Variants in PNLIPRP3 observed in about 807,000 individuals in gnomAD.
The protein encoded by PNLIPRP3 is pancreatic lipase-related protein 3.
Under a neutral mutation model 52.8 loss-of-function variants are expected in PNLIPRP3, and 58 were observed. The ratio of observed to expected loss-of-function variants is 1.10; its 90% CI spans 0.89 to 1.37. PNLIPRP3 has a LOEUF of 1.37. PNLIPRP3 is among the 40% of genes most tolerant of loss of function. PNLIPRP3 has a pLI of 0.00. For missense variants in PNLIPRP3, 593 were observed against 561.6 expected, an observed-to-expected ratio of 1.06 and a Z score of -0.57; for synonymous variants, 192 against 185.0, an observed-to-expected ratio of 1.04 and a Z score of -0.31.
chr10:116,431,289 T>C (rs1482275307), intron 1 of PNLIPRP3, among the ~76,000 whole-genome samples: 1 of 152,128 alleles, frequency 6.6e-6, no homozygotes, highest in East Asian at 1.9e-4. Flanking sequence ...ACTTTTCTGC[T>C]CAGAGCCCTC....
intron 4 of PNLIPRP3, among the ~76,000 whole-genome samples, chr10:116,448,297 A>G (rs1845985615): frequency 6.6e-6 from 1 of 152,218 alleles, no homozygotes; most frequent in Non-Finnish European, 1.5e-5. Flanking sequence ...TGAACAAGTA[A>G]AAGTGTTGAC....
At chr10:116,442,994 TACTA>T (rs1471076122) in intron 2 of PNLIPRP3, 57 bp from the exon 3 acceptor site, 9 of 1,332,010 alleles carry the variant, frequency 6.8e-6, no homozygotes, top group Non-Finnish European at 8.0e-6. Flanking sequence ...AGAATAGGTC[TACTA>T]ACTATTAAAT....
chr10:116,476,103 A>G (rs1003358342), intron 10 of PNLIPRP3, among the ~76,000 whole-genome samples: 2 of 152,090 alleles, frequency 1.3e-5, no homozygotes, highest in African/African-American at 4.8e-5. Flanking sequence ...ATGCCTTGAG[A>G]TATGGCACCT....
At chr10:116,468,349 C>A (rs929268152) in intron 8 of PNLIPRP3, among the ~76,000 whole-genome samples, 2 of 152,010 alleles carry the variant, frequency 1.3e-5, no homozygotes, top group Non-Finnish European at 2.9e-5. Flanking sequence ...TTAGATATAA[C>A]CCAAGGCCAC....
chr10:116,452,523 G>T (rs1192116997), intron 4 of PNLIPRP3, among the ~76,000 whole-genome samples: 1 of 152,164 alleles, frequency 6.6e-6, no homozygotes, highest in Non-Finnish European at 1.5e-5. Flanking sequence ...CTTTGAGGCA[G>T]CCCCTCCCAT....
chr10:116,477,400 A>G lies in PNLIPRP3; in HGVS notation c.*247A>G, dbSNP rs1050047220. 32 of 305,304 alleles carry G rather than the reference A, an allele frequency of 1.0e-4. No homozygotes were observed. The Middle Eastern group carries it at 3.8e-3, about 36-fold the overall frequency. The allele number at this position is 305,304 out of a possible 1,614,324, so 18.9% of individuals were successfully genotyped here. A position where few individuals can be genotyped will look rare whatever the true frequency, so the allele number is the denominator to read the frequency against. On this transcript the variant is annotated 3_prime_UTR_variant, in exon 12 of 12. Coordinates refer to ENST00000369230, the MANE Select transcript of PNLIPRP3 (RefSeq NM_001011709.3). Reference sequence around the variant, plus strand: ...ATCTGTAGGAATCTGGATATCATTGACAAAATAGAGCTGTTTTGGAATTTT... The same window carrying G: ...ATCTGTAGGAATCTGGATATCATTGGCAAAATAGAGCTGTTTTGGAATTTT...
chr10:116,453,931 C>T (rs972573580), intron 4 of PNLIPRP3, among the ~76,000 whole-genome samples: 1 of 152,024 alleles, frequency 6.6e-6, no homozygotes. Context: ...TGCTCTCCCT[C>T]CCCTTGTCCC....
intron 1 of PNLIPRP3, among the ~76,000 whole-genome samples, chr10:116,435,653 T>C (rs1845764409): frequency 6.6e-6 from 1 of 152,208 alleles, no homozygotes; most frequent in Non-Finnish European, 1.5e-5. Flanking sequence ...CATTAAGGTT[T>C]TGGTTTACAT....
chr10:116,433,842 G>A (rs1291034576), intron 1 of PNLIPRP3, among the ~76,000 whole-genome samples: 1 of 130,830 alleles, frequency 7.6e-6, no homozygotes, highest in African/African-American at 3.1e-5. Context: ...TGCAGCCAAA[G>A]GATAACATGA....
chr10:116,439,908 A>G, intron 2 of PNLIPRP3: 1 of 854,438 alleles, frequency 1.2e-6, no homozygotes, highest in Non-Finnish European at 2.1e-6. Context: ...TCCACCTCTC[A>G]GAGCGCTTCT....
At chr10:116,459,987 C>T (rs538588706) in intron 5 of PNLIPRP3, among the ~76,000 whole-genome samples, 8 of 152,212 alleles carry the variant, frequency 5.3e-5, no homozygotes, top group African/African-American at 1.2e-4. Context: ...TGGCTGGTGT[C>T]GAACTCCTGA....
At chr10:116,436,979 G>A in intron 2 of PNLIPRP3, 114 bp downstream of exon 2, 3 of 1,094,100 alleles carry the variant, frequency 2.7e-6, no homozygotes, top group South Asian at 5.0e-5. Flanking sequence ...TGACTTAAAT[G>A]CAAACATTTC....
chr10:116,460,856 G>T, intron 5 of PNLIPRP3, 110 bp from the exon 6 acceptor site: 1 of 1,427,960 alleles, frequency 7.0e-7, no homozygotes, highest in South Asian at 1.4e-5. Flanking sequence ...ACTTTTTCCT[G>T]AGTGATCTTT....
chr10:116,448,616 G>A (rs999317031), intron 4 of PNLIPRP3, among the ~76,000 whole-genome samples: 5 of 152,298 alleles, frequency 3.3e-5, no homozygotes, highest in East Asian at 1.9e-4. Flanking sequence ...GGAAGCTGAC[G>A]TGGGAGGATC....
At chr10:116,443,983 G>T (rs1176376776) in intron 3 of PNLIPRP3, among the ~76,000 whole-genome samples, 12 of 151,670 alleles carry the variant, frequency 7.9e-5, no homozygotes, top group East Asian at 2.0e-4. Flanking sequence ...AAGGAAAGAG[G>T]TTTAATTGAC....
In PNLIPRP3 at chr10:116,461,203, T is replaced by G. The variant is rs1176613535; in HGVS notation, c.721T>G (p.Phe241Val). 1.2e-6 allele frequency: 2 copies of G among 1,614,040 alleles called. No individual in the cohort carries two copies. Among genetic ancestry groups the G allele is most frequent in the Non-Finnish European group, 1.7e-6 (2 of 1,179,996 alleles). The change falls in exon 7 of 12, where the codon TTT becomes GTT. Residue 241 changes from phenylalanine to valine, a missense_variant. Transcript: ENST00000369230. ...GTIDACGHLD[F>V]YPNGGKHMPG... is the part of the protein sequence containing the mutation. ...CATTGATGCTTGTGGTCATCTTGAC[T>G]TTTACCCAAATGGAGGGAAGCACAT...
rs141430913 is a variant in PNLIPRP3, at chr10:116,450,446, G to A, written c.457-5276G>A. ...CTTATTCTAAAGTTAGCAGAAGAAG[G>A]GAAATAATAAAAATTACAGTAGAAA... On this transcript the variant is annotated intron_variant, in intron 4 of 11. Coordinates refer to ENST00000369230, the MANE Select transcript of PNLIPRP3 (RefSeq NM_001011709.3). Among the ~76,000 whole-genome samples, 1,020 of 151,858 alleles carry A rather than the reference G, an allele frequency of 6.7e-3. 11 individuals are homozygous for A. Among genetic ancestry groups the A allele is most frequent in the African/African-American group, 0.021 (865 of 41,392 alleles).
At chr10:116,475,435 A>G (rs574346863) in intron 10 of PNLIPRP3, among the ~76,000 whole-genome samples, 16 of 152,350 alleles carry the variant, frequency 1.1e-4, no homozygotes, top group Admixed American at 6.5e-4. Context: ...AAAAATGTCC[A>G]GCTTCACCAT....
At chr10:116,458,461 T>A (rs1019558938) in intron 5 of PNLIPRP3, among the ~76,000 whole-genome samples, 20 of 152,070 alleles carry the variant, frequency 1.3e-4, no homozygotes, top group Admixed American at 1.3e-4. Flanking sequence ...TTTTTTTTTT[T>A]TTTTTAATCT....
Sources: allele counts gnomAD v4.1 joint callset (sites outside exome capture counted in the v4.1 genomes callset), GRCh38; gene constraint gnomAD v4.1.1; transcripts MANE v1.5; gene names NCBI Gene and HGNC (gene_info 2026-07-23, HGNC 2026-07-21).